Variants in CDC42EP4 observed in about 807,000 individuals in gnomAD.
CDC42EP4 encodes CDC42 effector protein 4.
In CDC42EP4, 6 loss-of-function variants were observed where a neutral mutation model predicts 5.6. That is an observed-to-expected ratio of 1.07 (90% CI 0.59 to 2.12). The LOEUF (loss-of-function observed/expected upper bound fraction) is 2.12, where lower values mean the gene tolerates loss of function less well. Ranked by LOEUF, CDC42EP4 falls within the 30% of genes most tolerant of loss-of-function variation. CDC42EP4 has a pLI of 0.00. For missense variants in CDC42EP4, 490 were observed against 508.6 expected, an observed-to-expected ratio of 0.96 and a Z score of 0.35; for synonymous variants, 230 against 224.2, an observed-to-expected ratio of 1.03 and a Z score of -0.23.
At chr17:73,293,483 T>C (rs1568342136) in intron 1 of CDC42EP4, among the ~76,000 whole-genome samples, 1 of 152,198 alleles carries the variant, frequency 6.6e-6, no homozygotes, top group Non-Finnish European at 1.5e-5. Context: ...GGGCAGCCTC[T>C]GGTCCTGGCC....
Position 73,285,562 on chromosome 17 carries a change from G to A in CDC42EP4, c.939C>T (p.Cys313=), listed in dbSNP as rs780003952. 3.1e-6 allele frequency: 5 copies of A among 1,612,042 alleles called. No homozygotes were observed. Among genetic ancestry groups the A allele is most frequent in the Admixed American group, 1.7e-5 (1 of 60,016 alleles). The part of the protein sequence containing the change: ...TTRDSSSLSS[C]TSGILEERSP... ...TGCGCTCCTCCAGGATGCCTGAGGT[G>A]CAGCTGGAGAGGGAGCTGCTGTCCC... The change falls in exon 2 of 2, where the codon TGC becomes TGT. Residue 313 remains cysteine, a synonymous_variant. Transcript: ENST00000335793. The surrounding 1 kb of genome is among the most constrained non-coding windows in gnomAD (Gnocchi z 6.8).
chr17:73,288,284 C>T (rs191166237), intron 1 of CDC42EP4, among the ~76,000 whole-genome samples: 197 of 152,328 alleles, frequency 1.3e-3, no homozygotes, highest in African/African-American at 4.4e-3. Context: ...CCCTGTCCCC[C>T]AGGCCGGAGT....
At chr17:73,292,498 T>G (rs1599432299) in intron 1 of CDC42EP4, among the ~76,000 whole-genome samples, 3 of 132,732 alleles carry the variant, frequency 2.3e-5, no homozygotes, top group East Asian at 2.3e-4. Context: ...GTAGTGTGAG[T>G]GTGGGGGGTG....
rs756415771 is a variant in CDC42EP4, at chr17:73,285,739, C to A, written c.762G>T (p.Pro254=). 2 of 1,586,420 alleles carry A rather than the reference C, an allele frequency of 1.3e-6. No homozygotes were observed. The highest frequency in any genetic ancestry group is 1.1e-5 in the South Asian group (1 of 88,374). ...GAAGTITQAP[P]YAVAAPPLAR... is the part of the protein sequence containing the mutation. ...CCAGGGGAGGGGCCGCCACGGCGTA[C>A]GGGGGAGCCTGGGTGATGGTGCCAG... The change falls in exon 2 of 2, where the codon CCG becomes CCT. Residue 254 remains proline (P), a synonymous_variant. Transcript: ENST00000335793. This position sits in a 1 kb window ranked among gnomAD's most constrained non-coding sequence, Gnocchi z 6.8.
intron 1 of CDC42EP4, among the ~76,000 whole-genome samples, chr17:73,306,505 C>T (rs2062244800): frequency 1.3e-5 from 2 of 152,066 alleles, no homozygotes; most frequent in South Asian, 4.1e-4. Flanking sequence ...TGTCTCAAAA[C>T]AAAAAAATAA....
At chr17:73,298,931 G>A (rs2062202500) in intron 1 of CDC42EP4, among the ~76,000 whole-genome samples, 1 of 151,876 alleles carries the variant, frequency 6.6e-6, no homozygotes, top group Non-Finnish European at 1.5e-5. Flanking sequence ...CAGACAGAGT[G>A]AATTATTTTA....
intron 1 of CDC42EP4, among the ~76,000 whole-genome samples, chr17:73,299,357 G>C (rs985468208): frequency 1.4e-5 from 2 of 144,984 alleles, no homozygotes; most frequent in Non-Finnish European, 3.0e-5. Context: ...GTGAACCCGG[G>C]AGGCGGAGCT....
chr17:73,303,345 AAAAC>A (rs535343133), intron 1 of CDC42EP4, among the ~76,000 whole-genome samples: 41 of 149,636 alleles, frequency 2.7e-4, no homozygotes, highest in African/African-American at 6.9e-4. Context: ...CTCCATCTCA[AAAAC>A]AAACAAACAA....
chr17:73,286,090 C>A lies in CDC42EP4; in HGVS notation c.411G>T (p.Lys137Asn). 6 of 1,614,038 alleles carry A rather than the reference C, an allele frequency of 3.7e-6. No individual in the cohort carries two copies. Among genetic ancestry groups the A allele is most frequent in the Non-Finnish European group, 3.4e-6 (4 of 1,180,034 alleles). Residue 137 changes from lysine to asparagine, a missense_variant, in exon 2 of 2, where the codon AAG becomes AAT. Coordinates refer to ENST00000335793, the MANE Select transcript of CDC42EP4 (RefSeq NM_012121.5). The surrounding 1 kb of genome is among the most constrained non-coding windows in gnomAD (Gnocchi z 7.7). ...AAEKGTSKLP[K>N]SLSSSPVKKA... ...TCTTCACGGGGCTGGATGACAGGCT[C>A]TTGGGCAGCTTACTGGTGCCCTTCT...
At chr17:73,291,078 G>A (rs1365818920) in intron 1 of CDC42EP4, among the ~76,000 whole-genome samples, 2 of 152,146 alleles carry the variant, frequency 1.3e-5, no homozygotes, top group African/African-American at 4.8e-5. Context: ...CTGAAATCAC[G>A]GCCATCCTGG....
chr17:73,296,998 A>AC lies in CDC42EP4; in HGVS notation c.-112-10387_-112-10386insG, dbSNP rs2062190382. On this transcript the variant is annotated intron_variant, in intron 1 of 1. Transcript: ENST00000335793. ...TCCGTCTCAAAAAAAAAAAAAAAAA[A>AC]AAAAAATACACAAGGCCAAGCGCCG... Among the ~76,000 whole-genome samples the AC allele has an allele frequency of 4.6e-5, 6 of 130,580 alleles. 2 individuals are homozygous for AC. Among genetic ancestry groups the AC allele is most frequent in the Admixed American group, 1.6e-4 (2 of 12,636 alleles). 85.7% of individuals were successfully genotyped at this position (130,580 alleles called of 152,430 possible). A position where few individuals can be genotyped will look rare whatever the true frequency, so the allele number is the denominator to read the frequency against.
chr17:73,294,494 T>C (rs557200065), intron 1 of CDC42EP4, among the ~76,000 whole-genome samples: 31 of 152,276 alleles, frequency 2.0e-4, no homozygotes, highest in African/African-American at 7.2e-4. Context: ...ACTTTCAAGA[T>C]GGAAAGACCA....
intron 1 of CDC42EP4, among the ~76,000 whole-genome samples, chr17:73,290,245 AACTG>A (rs755484862): frequency 6.6e-6 from 1 of 152,164 alleles, no homozygotes; most frequent in Non-Finnish European, 1.5e-5. Flanking sequence ...CTGGGCTAGA[AACTG>A]GGTCTTTGAG....
intron 1 of CDC42EP4, among the ~76,000 whole-genome samples, chr17:73,289,548 T>C (rs903355338): frequency 6.7e-6 from 1 of 149,908 alleles, no homozygotes; most frequent in Non-Finnish European, 1.5e-5. Context: ...GTCGTATCTT[T>C]TGTAATAAAC....
At chr17:73,297,883 T>C (rs2062196894) in intron 1 of CDC42EP4, among the ~76,000 whole-genome samples, 1 of 151,466 alleles carries the variant, frequency 6.6e-6, no homozygotes, top group Non-Finnish European at 1.5e-5. Flanking sequence ...GGTCTTGAAC[T>C]CCTGACCTCA....
intron 1 of CDC42EP4, among the ~76,000 whole-genome samples, chr17:73,291,078 G>C (rs1365818920): frequency 6.6e-6 from 1 of 152,146 alleles, no homozygotes; most frequent in Non-Finnish European, 1.5e-5. Flanking sequence ...CTGAAATCAC[G>C]GCCATCCTGG....
At chr17:73,292,205 C>G (rs939805889) in intron 1 of CDC42EP4, among the ~76,000 whole-genome samples, 1 of 152,262 alleles carries the variant, frequency 6.6e-6, no homozygotes, top group Non-Finnish European at 1.5e-5. Flanking sequence ...GCCACTGCCT[C>G]CGCCACTGCT....
intron 1 of CDC42EP4, among the ~76,000 whole-genome samples, chr17:73,295,499 T>C (rs11652183): frequency 0.24 from 36,432 of 152,018 alleles, 4,887 homozygotes; most frequent in Middle Eastern, 0.33. Flanking sequence ...GGGGGAACAT[T>C]ACAAAACTCT....
intron 1 of CDC42EP4, chr17:73,309,970 G>A (rs2062265153): frequency 6.6e-6 from 1 of 152,510 alleles, no homozygotes; most frequent in Admixed American, 6.5e-5. Context: ...GCTCACACAG[G>A]GCAGTTGATG....
Sources: gnomAD v4.1 joint callset for allele counts (sites outside exome capture counted in the v4.1 genomes callset) on GRCh38, gnomAD v4.1.1 for gene constraint, Gnocchi (gnomAD v3.1) non-coding constraint, MANE v1.5 for transcripts, NCBI Gene and HGNC (gene_info 2026-07-23, HGNC 2026-07-21) for gene names.